Variants in CEP104 observed in about 807,000 individuals in gnomAD.
The protein encoded by CEP104 is centrosomal protein 104.
CEP104 carries 84 observed loss-of-function variants against 113.3 expected under a neutral mutation model. The observed-to-expected ratio is 0.74, with a 90% CI of 0.62 to 0.89. The LOEUF (loss-of-function observed/expected upper bound fraction) is 0.89. Among genes scored for constraint, CEP104 ranks in the 40% least tolerant of loss-of-function variants. The pLI is 0.00. For missense variants in CEP104, 1,053 were observed against 1,156.6 expected (o/e 0.91, Z 1.30); for synonymous variants, 378 against 421.7 (o/e 0.90, Z 1.27).
intron 18 of CEP104, among the ~76,000 whole-genome samples, chr1:3,824,613 G>A (rs1570777901): frequency 6.6e-6 from 1 of 152,228 alleles, no homozygotes; most frequent in African/African-American, 2.4e-5. Flanking sequence ...ACATCCACGT[G>A]TATAAAGAAC....
Position 3,826,751 on chromosome 1 carries a change from C to T in CEP104, c.2152-7G>A. 6.2e-7 allele frequency: 1 copy of T among 1,614,100 alleles called. No homozygotes were observed. The highest frequency in any genetic ancestry group is 8.5e-7 in the Non-Finnish European group (1 of 1,179,922). On this transcript the variant is annotated splice_region_variant and splice_polypyrimidine_tract_variant and intron_variant, in intron 15 of 21. Coordinates refer to ENST00000378230, the MANE Select transcript of CEP104 (RefSeq NM_014704.4). Reference sequence around the variant, plus strand: ...CAGCATCACTTTCTTTTTCCTAAGACACAGAAACAGTGAGGTCAGGGGCAA... The same window carrying T: ...CAGCATCACTTTCTTTTTCCTAAGATACAGAAACAGTGAGGTCAGGGGCAA...
At chr1:3,854,727 C>T (rs1347304545) in intron 1 of CEP104, among the ~76,000 whole-genome samples, 1 of 150,616 alleles carries the variant, frequency 6.6e-6, no homozygotes, top group Admixed American at 6.6e-5. Flanking sequence ...AATCTGCCCG[C>T]CTTGGCCTCC....
rs756967631 is a variant in CEP104 at position 3,815,515 on chromosome 1, T to C, written c.2665A>G (p.Lys889Glu). 2 of 1,595,662 alleles carry C rather than the reference T, an allele frequency of 1.3e-6. No homozygotes were observed. The highest frequency in any genetic ancestry group is 4.5e-5 in the East Asian group (2 of 44,582). ...LQKAPALQPG[K>E]SSAVAASGPL... is the part of the protein sequence containing the mutation. ...CCTGATGCGGCCACAGCTGAGCTTTTCCCTGCAGAGCAAGCACAGGACCTG... is the reference window on the plus strand; with the variant it reads ...CCTGATGCGGCCACAGCTGAGCTTTCCCCTGCAGAGCAAGCACAGGACCTG... Residue 889 changes from lysine to glutamate, a missense_variant and splice_region_variant, in exon 22 of 22, where the codon AAA (lysine) becomes GAA (glutamate). Coordinates refer to ENST00000378230, the MANE Select transcript of CEP104 (RefSeq NM_014704.4).
In CEP104 at chr1:3,816,271, G is replaced by A; in HGVS notation, c.2662+9C>T. 6.4e-7 allele frequency: 1 copy of A among 1,550,532 alleles called. No homozygotes were observed. The highest frequency in any genetic ancestry group is 8.7e-7 in the Non-Finnish European group (1 of 1,146,258). On this transcript the variant is annotated intron_variant, in intron 21 of 21. Transcript: ENST00000378230. The stretch of plus-strand genomic sequence containing the variant: ...CAGACTACACCTGCTCAGCGGCGCT[G>A]TCCCTCACCTGGCTGCAGTGCCGGG...
chr1:3,843,687 ATT>A, intron 6 of CEP104, among the ~76,000 whole-genome samples: 1 of 145,968 alleles, frequency 6.9e-6, no homozygotes. Flanking sequence ...CCCCATACCC[ATT>A]TTTTTTTTTA....
At position 3,822,950 on chromosome 1, in the gene CEP104, C is replaced by G. The variant is rs550428076; in HGVS notation, c.2571+224G>C. On this transcript the variant is annotated intron_variant, in intron 20 of 21. Transcript: ENST00000378230. The stretch of plus-strand genomic sequence containing the variant: ...CAGGCTGGGCCTCAGTGAGTTGAGG[C>G]TCCTCGATAAACCATTCATAAATGT... 7.3e-6 allele frequency: 4 copies of G among 548,500 alleles called. No individual in the cohort carries two copies. The East Asian group carries it at 8.9e-5, about 12-fold the overall frequency. 34.0% of individuals were successfully genotyped at this position (548,500 alleles called of 1,614,324 possible). A position where few individuals can be genotyped will look rare whatever the true frequency, so the allele number is the denominator to read the frequency against.
At chr1:3,843,666 C>T (rs6680552) in intron 6 of CEP104, among the ~76,000 whole-genome samples, 139,709 of 151,990 alleles carry the variant, frequency 0.92, 64,933 homozygotes, top group Middle Eastern at 0.98. Context: ...ATTGTTAACA[C>T]GACGAACTTT....
At chr1:3,836,360 G>A (rs1301806611) in intron 10 of CEP104, 135 bp downstream of exon 10, 2 of 895,450 alleles carry the variant, frequency 2.2e-6, no homozygotes, top group Admixed American at 3.0e-5. Flanking sequence ...AAGAACAAAG[G>A]GAAGTCAACA....
chr1:3,829,394 C>T (rs1644155789), intron 14 of CEP104, 21 bp from the exon 15 acceptor site: 1 of 1,574,744 alleles, frequency 6.4e-7, no homozygotes, highest in African/African-American at 1.4e-5. Flanking sequence ...AATTATTTTT[C>T]CATTAGAACA....
rs748922786 is a variant in CEP104 at position 3,848,745 on chromosome 1, C to A, written c.150G>T (p.Met50Ile). ...CQFPQEIVLQMVERCRIRKLQ... is the reference protein window; with the variant it reads ...CQFPQEIVLQIVERCRIRKLQ... ...GTTTCCTTATTCGACATCTCTCCAC[C>A]ATTTGAAGGACAATTTCTTGTGGAA... is the stretch of plus-strand genomic sequence containing the variant. Residue 50 changes from methionine (M) to isoleucine (I), a missense_variant, in exon 3 of 22, where the codon ATG (methionine) becomes ATT (isoleucine). Physicochemically the swap from Met to Ile is conservative, Grantham distance 10 (BLOSUM62 1). Coordinates refer to ENST00000378230, the MANE Select transcript of CEP104 (RefSeq NM_014704.4). 3 of 1,610,252 alleles carry A rather than the reference C, an allele frequency of 1.9e-6. No individual in the cohort carries two copies. In the South Asian group the frequency reaches 3.3e-5, roughly 18 times the overall value.
At chr1:3,821,839 A>G (rs531836579) in intron 20 of CEP104, among the ~76,000 whole-genome samples, 5 of 152,368 alleles carry the variant, frequency 3.3e-5, no homozygotes, top group African/African-American at 1.2e-4. Context: ...CAAGTGAATC[A>G]TAAGGAAAAA....
Position 3,815,282 on chromosome 1 carries a change from G to T in CEP104, c.*120C>A. On this transcript the variant is annotated 3_prime_UTR_variant, in exon 22 of 22. Coordinates refer to ENST00000378230, the MANE Select transcript of CEP104 (RefSeq NM_014704.4). ...AGACGCGTAAGAGGCGTGCACGGCG[G>T]GGAGCTGGGGACAGCAGCCAGAGCA... 1 of 722,898 alleles carries T rather than the reference G, an allele frequency of 1.4e-6. No homozygotes were observed. The highest frequency in any genetic ancestry group is 1.6e-5 in the South Asian group (1 of 61,962). 44.8% of individuals were successfully genotyped at this position (722,898 alleles called of 1,614,324 possible). A position where few individuals can be genotyped will look rare whatever the true frequency, so the allele number is the denominator to read the frequency against.
At chr1:3,829,652 T>C (rs1385122047) in intron 14 of CEP104, 139 bp downstream of exon 14, 14 of 906,094 alleles carry the variant, frequency 1.5e-5, no homozygotes, top group Non-Finnish European at 2.4e-5. Flanking sequence ...CGGGAACCTG[T>C]GTTCTTTCTT....
At chr1:3,828,549 C>T (rs1644137415) in intron 15 of CEP104, among the ~76,000 whole-genome samples, 1 of 152,194 alleles carries the variant, frequency 6.6e-6, no homozygotes, top group African/African-American at 2.4e-5. Flanking sequence ...GAGCTCTGCC[C>T]TCTGAATAGC....
rs776537838 is a variant in CEP104, at chr1:3,815,447, C to T, written c.2733G>A (p.Lys911=). 1 of 1,613,310 alleles carries T rather than the reference C, an allele frequency of 6.2e-7. No individual in the cohort carries two copies. The highest frequency in any genetic ancestry group is 2.2e-5 in the East Asian group (1 of 44,882). The change falls in exon 22 of 22, where the codon AAG becomes AAA. Residue 911 remains lysine, a synonymous_variant. Transcript: ENST00000378230. ...SKAGSKIPTP[K]GGLSKSSSRT... Reference sequence around the variant, plus strand: ...TGCTGGAGCTCTTGCTCAGTCCGCCCTTCGGGGTGGGGATCTTGCTTCCGG... The same window carrying T: ...TGCTGGAGCTCTTGCTCAGTCCGCCTTTCGGGGTGGGGATCTTGCTTCCGG...
At chr1:3,835,318 A>G (rs1210196096) in intron 10 of CEP104, among the ~76,000 whole-genome samples, 3 of 152,238 alleles carry the variant, frequency 2.0e-5, no homozygotes, top group Non-Finnish European at 4.4e-5. Context: ...TTAAAATATA[A>G]AAAGTATTAA....
rs142949593 is a variant in CEP104, at chr1:3,850,130, C to G, written c.114-1349G>C. Reference sequence around the variant, plus strand: ...TGGGTTTGAGGGCACTCTAGGTGTTCGATGAAATCGACTGATGATGCATTT... The same window carrying G: ...TGGGTTTGAGGGCACTCTAGGTGTTGGATGAAATCGACTGATGATGCATTT... On this transcript the variant is annotated intron_variant, in intron 2 of 21. Coordinates refer to ENST00000378230, the MANE Select transcript of CEP104 (RefSeq NM_014704.4). Among the ~76,000 whole-genome samples the G allele has an allele frequency of 6.0e-3, 911 of 152,160 alleles. 10 individuals carry two copies. The highest frequency in any genetic ancestry group is 0.02 in the African/African-American group (848 of 41,508).
chr1:3,844,759 T>C (rs1366140574), intron 6 of CEP104, 148 bp downstream of exon 6: 1 of 527,738 alleles, frequency 1.9e-6, no homozygotes, highest in East Asian at 2.9e-5. Flanking sequence ...TTAATCTTTA[T>C]GTAAATTTCA....
At chr1:3,836,818 A>G (rs1356539208) in intron 9 of CEP104, 126 bp from the exon 10 acceptor site, 1 of 692,002 alleles carries the variant, frequency 1.4e-6, no homozygotes, top group South Asian at 1.8e-5. Context: ...TTTGCTAAAT[A>G]TCAGTATCAT....
Sources: allele counts gnomAD v4.1 joint callset (sites outside exome capture counted in the v4.1 genomes callset), GRCh38; gene constraint gnomAD v4.1.1; transcripts MANE v1.5; gene names NCBI Gene and HGNC (gene_info 2026-07-23, HGNC 2026-07-21).